ADGRG4: variants seen among roughly 807,000 people sequenced by gnomAD.
The protein encoded by ADGRG4 is adhesion G protein-coupled receptor G4.
ADGRG4 carries 122 observed loss-of-function variants against 126.2 expected under a neutral mutation model. The ratio of observed to expected loss-of-function variants is 0.97; its 90% confidence interval spans 0.83 to 1.12. ADGRG4 has a LOEUF of 1.12. Ranked by LOEUF, ADGRG4 falls within the 50% of genes most tolerant of loss-of-function variation. The pLI is 0.00. For synonymous variants in ADGRG4, 943 were observed against 838.7 expected, an observed-to-expected ratio of 1.12 and a Z score of -2.15; for missense variants, 2,481 against 2,251.8, an observed-to-expected ratio of 1.10 and a Z score of -2.06.
chrX:136,315,765 T>G (rs929291238), intron 4 of ADGRG4, among the ~76,000 whole-genome samples: 4 of 111,985 alleles, frequency 3.6e-5, no homozygotes, highest in Non-Finnish European at 5.6e-5. Context: ...GGTGGGCCCC[T>G]AATCCAATAT....
At chrX:136,382,161 T>C (rs1419286168) in intron 15 of ADGRG4, among the ~76,000 whole-genome samples, 3 of 111,224 alleles carry the variant, frequency 2.7e-5, no homozygotes, top group Non-Finnish European at 5.6e-5. Context: ...TCATACATAA[T>C]CTTCAAATAA....
chrX:136,339,600 T>C (rs1022224549), intron 5 of ADGRG4, among the ~76,000 whole-genome samples: 3 of 112,482 alleles, frequency 2.7e-5, no homozygotes, highest in East Asian at 2.8e-4. Flanking sequence ...TTAGGAAGCA[T>C]AGGGCCTGGG....
chrX:136,379,836 T>C (rs56053841), intron 15 of ADGRG4, among the ~76,000 whole-genome samples: 2,206 of 110,950 alleles, frequency 0.02, 20 homozygotes, highest in Non-Finnish European at 0.032. Context: ...TGATTTTGAC[T>C]ACTCTAGGTA....
chrX:136,348,484 C>T lies in ADGRG4; in HGVS notation c.4778C>T (p.Ser1593Phe). The T allele has an allele frequency of 1.7e-6, 2 of 1,209,485 alleles. No homozygotes were observed. Among genetic ancestry groups the T allele is most frequent in the Non-Finnish European group, 2.2e-6 (2 of 893,744 alleles). ...TRVGLFSTLL[S>F]SVTPRTTMTM... Reference sequence around the variant, plus strand: ...GTTGGGTTATTCTCTACTTTATTGTCTTCAGTTACCCCCAGGACTACTATG... The same window carrying T: ...GTTGGGTTATTCTCTACTTTATTGTTTTCAGTTACCCCCAGGACTACTATG... Residue 1593 changes from serine (S) to phenylalanine (F), a missense_variant, in exon 6 of 26, where the codon TCT (serine) becomes TTT (phenylalanine). By Grantham distance (155) the Ser-to-Phe change is radical. Transcript: ENST00000394143.
chrX:136,327,765 A>G (rs1178396623), intron 5 of ADGRG4, among the ~76,000 whole-genome samples: 1 of 111,037 alleles, frequency 9.0e-6, no homozygotes, highest in Non-Finnish European at 1.9e-5. Flanking sequence ...TCCTAAGGGT[A>G]GAATTTCTCA....
At position 136,328,421 on chromosome X, in the gene ADGRG4, A is replaced by G. The variant is rs766738616; in HGVS notation, c.685+5029A>G. On this transcript the variant is annotated intron_variant, in intron 5 of 25. Transcript: ENST00000394143. The stretch of plus-strand genomic sequence containing the variant: ...AATCTCAACTCAGACACATGATCAA[A>G]CAAAGGAATTTTTTTTGACCTGTGA... 1.5e-4 allele frequency among the ~76,000 whole-genome samples: 17 copies of G among 112,295 alleles called. 1 individual carries two copies. The highest frequency in any genetic ancestry group is 1.9e-5 in the Non-Finnish European group (1 of 53,231).
In ADGRG4 at chrX:136,373,032, A is replaced by G. The variant is rs779243603; in HGVS notation, c.7744A>G (p.Ile2582Val). 5 of 1,208,073 alleles carry G rather than the reference A, an allele frequency of 4.1e-6. No individual in the cohort carries two copies. Among genetic ancestry groups the G allele is most frequent in the African/African-American group, 3.5e-5 (2 of 56,988 alleles). The change falls in exon 15 of 26, where the codon ATT becomes GTT. Residue 2582 changes from isoleucine (I) to valine (V), a missense_variant. Physicochemically the swap from Ile to Val is conservative, Grantham distance 29 (BLOSUM62 3). Transcript: ENST00000394143. Reference protein sequence around the residue: ...DHTFDGMAFSIHSYEEGTDPE... With the variant: ...DHTFDGMAFSVHSYEEGTDPE... Reference sequence around the variant, plus strand: ...CACGTTTGATGGCATGGCTTTCAGCATTCACTCCTATGAAGAAGGCACAGA... The same window carrying G: ...CACGTTTGATGGCATGGCTTTCAGCGTTCACTCCTATGAAGAAGGCACAGA...
intron 23 of ADGRG4, 135 bp from the exon 24 acceptor site, chrX:136,412,130 A>G (rs2075449241): frequency 4.3e-6 from 2 of 463,837 alleles, no homozygotes; most frequent in East Asian, 3.7e-5. Flanking sequence ...TACAAAGACA[A>G]GATCAGAAAG....
chrX:136,395,995 A>G (rs73637920), intron 19 of ADGRG4, among the ~76,000 whole-genome samples: 6,400 of 111,362 alleles, frequency 0.057, 486 homozygotes, highest in African/African-American at 0.2. Context: ...ATCCCTGACT[A>G]GTGGACATTA....
rs762763105 is a variant in ADGRG4, at chrX:136,402,389, T to TA, written c.8576-849dup. On this transcript the variant is annotated intron_variant, in intron 21 of 25. Transcript: ENST00000394143. ...GTCTCTCCCTTCCAGCCTTCTATTT[T>TA]AAAAAACATCTGCAGCATTCTAGGT... 1.3e-3 allele frequency among the ~76,000 whole-genome samples: 140 copies of TA among 111,280 alleles called. 1 individual carries two copies. Among genetic ancestry groups the TA allele is most frequent in the African/African-American group, 4.1e-3 (124 of 30,597 alleles).
In ADGRG4 at chrX:136,416,646, A is replaced by T. The variant is rs1026830320; in HGVS notation, c.*155A>T. ...CATGTAACCAAATGCTACCTGTTCC[A>T]CCAAAACCTATGGAAATTTAAAAAA... On this transcript the variant is annotated 3_prime_UTR_variant, in exon 26 of 26. Coordinates refer to ENST00000394143, the MANE Select transcript of ADGRG4 (RefSeq NM_153834.4). 2 of 341,334 alleles carry T rather than the reference A, an allele frequency of 5.9e-6. No individual in the cohort carries two copies. Among genetic ancestry groups the T allele is most frequent in the Non-Finnish European group, 1.0e-5 (2 of 197,092 alleles). The allele number at this position is 341,334 out of a possible 1,213,427, so 28.1% of individuals were successfully genotyped here.
chrX:136,361,637 C>T (rs761172177), intron 12 of ADGRG4, 50 bp downstream of exon 12: 1 of 975,415 alleles, frequency 1.0e-6, no homozygotes, highest in South Asian at 3.0e-5. Flanking sequence ...CAAAGATCTA[C>T]CTAATTGGGG....
rs145901361 is a variant in ADGRG4, at chrX:136,328,715, G to T, written c.685+5323G>T. The stretch of plus-strand genomic sequence containing the variant: ...TGCAGAGATGGATTATATGGTCTAT[G>T]TCCTTTATAAAGGCCTTTGTTTGGC... On this transcript the variant is annotated intron_variant, in intron 5 of 25. Transcript: ENST00000394143. 2.9e-4 allele frequency among the ~76,000 whole-genome samples: 32 copies of T among 111,884 alleles called. No individual in the cohort carries two copies. The East Asian group carries it at 7.3e-3, about 26-fold the overall frequency.
In ADGRG4 at chrX:136,356,160, G is replaced by A. The variant is rs1257870574; in HGVS notation, c.6922G>A (p.Ala2308Thr). The A allele has an allele frequency of 2.6e-6, 3 of 1,174,091 alleles. No homozygotes were observed. Among genetic ancestry groups the A allele is most frequent in the Non-Finnish European group, 3.5e-6 (3 of 865,607 alleles). Reference protein sequence around the residue: ...ISEEEMVMDRAILEQREGQEM... With the variant: ...ISEEEMVMDRTILEQREGQEM... ...AGAGGAAGAGATGGTCATGGATCGAGCTATTGTAAGTAATTTTTCAAAATG... is the reference window on the plus strand; with the variant it reads ...AGAGGAAGAGATGGTCATGGATCGAACTATTGTAAGTAATTTTTCAAAATG... Residue 2308 changes from alanine to threonine, a missense_variant, in exon 9 of 26, where the codon GCT (alanine) becomes ACT (threonine). Coordinates refer to ENST00000394143, the MANE Select transcript of ADGRG4 (RefSeq NM_153834.4).
rs183614723 is a variant in ADGRG4 at position 136,333,851 on chromosome X, A to G, written c.685+10459A>G. On this transcript the variant is annotated intron_variant, in intron 5 of 25. Coordinates refer to ENST00000394143, the MANE Select transcript of ADGRG4 (RefSeq NM_153834.4). ...TTTTTATATGGGCTTTCACAGAACAAAAGCTTTTAATTTTGTTAAAGTCTA... is the reference window on the plus strand; with the variant it reads ...TTTTTATATGGGCTTTCACAGAACAGAAGCTTTTAATTTTGTTAAAGTCTA... 8.1e-3 allele frequency among the ~76,000 whole-genome samples: 912 copies of G among 112,318 alleles called. 12 individuals carry two copies. The highest frequency in any genetic ancestry group is 0.028 in the African/African-American group (861 of 30,956).
intron 15 of ADGRG4, among the ~76,000 whole-genome samples, chrX:136,380,165 C>CA (rs530503038): frequency 0.1 from 4,971 of 49,900 alleles, 182 homozygotes; most frequent in East Asian, 0.29. Flanking sequence ...AAGCTGTTAC[C>CA]AAAAAAAAAA....
chrX:136,353,854 G>A (rs2075077644), intron 8 of ADGRG4, among the ~76,000 whole-genome samples: 1 of 112,028 alleles, frequency 8.9e-6, no homozygotes, highest in South Asian at 3.7e-4. Flanking sequence ...AGATTTGCTT[G>A]GGGCACAAAT....
intron 5 of ADGRG4, among the ~76,000 whole-genome samples, chrX:136,328,447 A>C (rs1478351184): frequency 1.8e-5 from 2 of 112,180 alleles, no homozygotes; most frequent in South Asian, 3.7e-4. Flanking sequence ...TGACCTGTGA[A>C]TGTATGAAGA....
rs746803387 is a variant in ADGRG4 at position 136,359,383 on chromosome X, A to C, written c.7072A>C (p.Thr2358Pro). Reference sequence around the variant, plus strand: ...CAAAAGTAAAATACATGGCAACTTCACACATGGAAACTTCACACAAGATCA... The same window carrying C: ...CAAAAGTAAAATACATGGCAACTTCCCACATGGAAACTTCACACAAGATCA... Reference protein sequence around the residue: ...KIKSKIHGNFTHGNFTQDQLT... With the variant: ...KIKSKIHGNFPHGNFTQDQLT... Residue 2358 changes from threonine to proline, a missense_variant, in exon 11 of 26, where the codon ACA becomes CCA. By Grantham distance (38) the Thr-to-Pro change is conservative. Transcript: ENST00000394143. The C allele has an allele frequency of 8.3e-7, 1 of 1,207,814 alleles. No individual in the cohort carries two copies. Among genetic ancestry groups the C allele is most frequent in the African/African-American group, 1.7e-5 (1 of 57,816 alleles).
Sources: gnomAD v4.1 joint callset for allele counts (sites outside exome capture counted in the v4.1 genomes callset) on GRCh38, gnomAD v4.1.1 for gene constraint, MANE v1.5 for transcripts, NCBI Gene and HGNC (gene_info 2026-07-23, HGNC 2026-07-21) for gene names.